PKNOX2: variants seen among roughly 807,000 people sequenced by gnomAD.
The protein encoded by PKNOX2 is PBX/knotted 1 homeobox 2, also known as homeobox protein PKNOX2.
A neutral mutation model predicts 53.1 loss-of-function variants in PKNOX2; 14 were observed. That is an observed-to-expected ratio of 0.26 (90% CI 0.17 to 0.41). PKNOX2 has a LOEUF of 0.41. PKNOX2 is among the 10% of genes least tolerant of loss of function. The pLI is 1.00. For missense variants in PKNOX2, 496 were observed against 602.8 expected (o/e 0.82, Z 1.85); for synonymous variants, 257 against 242.8 (o/e 1.06, Z -0.54).
chr11:125,290,418 C>A (rs1947235690), intron 2 of PKNOX2, among the ~76,000 whole-genome samples: 1 of 152,126 alleles, frequency 6.6e-6, no homozygotes, highest in Non-Finnish European at 1.5e-5. Context: ...GAGACAGAGA[C>A]TGAGGGTTTT....
intron 2 of PKNOX2, among the ~76,000 whole-genome samples, chr11:125,311,390 A>G (rs918918233): frequency 1.6e-4 from 24 of 152,146 alleles, no homozygotes; most frequent in African/African-American, 2.2e-4. Context: ...TACAAAAGGG[A>G]ACAAGAATTG....
At chr11:125,317,508 G>C (rs981872548) in intron 2 of PKNOX2, among the ~76,000 whole-genome samples, 1 of 152,220 alleles carries the variant, frequency 6.6e-6, no homozygotes, top group East Asian at 1.9e-4. Flanking sequence ...TGTTGTGTTA[G>C]CAGGCACTAA....
intron 2 of PKNOX2, among the ~76,000 whole-genome samples, chr11:125,314,921 T>C (rs1171105927): frequency 1.3e-5 from 2 of 152,178 alleles, no homozygotes; most frequent in African/African-American, 2.4e-5. Flanking sequence ...GGGAAAGGAA[T>C]TTCCATGCAG....
intron 1 of PKNOX2, among the ~76,000 whole-genome samples, chr11:125,173,226 T>G (rs1955451633): frequency 6.6e-6 from 1 of 152,220 alleles, no homozygotes; most frequent in East Asian, 1.9e-4. Context: ...TAAATATTAG[T>G]CTTCTGTCCT....
chr11:125,371,578 T>C (rs911886889), intron 5 of PKNOX2, among the ~76,000 whole-genome samples: 2 of 151,706 alleles, frequency 1.3e-5, no homozygotes, highest in African/African-American at 4.9e-5. Flanking sequence ...TTGAAGTGAG[T>C]GGGTTCCCAT....
chr11:125,180,800 T>C (rs1005038620), intron 1 of PKNOX2, among the ~76,000 whole-genome samples: 1 of 152,218 alleles, frequency 6.6e-6, no homozygotes, highest in Admixed American at 6.5e-5. Flanking sequence ...TGGGCCACCT[T>C]GCGGGATGTT....
At chr11:125,203,565 C>G (rs1252800301) in intron 1 of PKNOX2, among the ~76,000 whole-genome samples, 1 of 152,178 alleles carries the variant, frequency 6.6e-6, no homozygotes, top group Non-Finnish European at 1.5e-5. Flanking sequence ...GACTGCAAGG[C>G]CTCAGTTTTT....
intron 10 of PKNOX2, among the ~76,000 whole-genome samples, chr11:125,425,189 A>G (rs1956348612): frequency 6.6e-6 from 1 of 152,290 alleles, no homozygotes; most frequent in South Asian, 2.1e-4. Flanking sequence ...TGCTACTTCC[A>G]TCTAAGGATG....
At chr11:125,391,125 G>A (rs1954026649) in intron 6 of PKNOX2, among the ~76,000 whole-genome samples, 1 of 152,186 alleles carries the variant, frequency 6.6e-6, no homozygotes, top group South Asian at 2.1e-4. Context: ...TTGCAAAAAG[G>A]AAGGAGAGGG....
intron 1 of PKNOX2, among the ~76,000 whole-genome samples, chr11:125,234,552 A>G (rs1020843149): frequency 6.6e-6 from 1 of 152,162 alleles, no homozygotes; most frequent in Non-Finnish European, 1.5e-5. Flanking sequence ...CAAGACTTTC[A>G]TATTCCTGAG....
intron 1 of PKNOX2, among the ~76,000 whole-genome samples, chr11:125,222,669 TGTGTATGTGTGTGC>T: frequency 6.7e-6 from 1 of 148,886 alleles, no homozygotes; most frequent in Admixed American, 6.7e-5. Context: ...TGTATGTGTG[TGTGTATGTGTGTGC>T]GTATGTGTGT....
At chr11:125,304,026 A>T (rs969474208) in intron 2 of PKNOX2, among the ~76,000 whole-genome samples, 2 of 152,104 alleles carry the variant, frequency 1.3e-5, no homozygotes, top group Admixed American at 6.5e-5. Flanking sequence ...GAATGCAGGG[A>T]TGTTGTTGGG....
chr11:125,190,352 C>T (rs1226950542), intron 1 of PKNOX2, among the ~76,000 whole-genome samples: 4 of 152,232 alleles, frequency 2.6e-5, no homozygotes, highest in African/African-American at 9.6e-5. Flanking sequence ...CCCAGTGCCA[C>T]TAGCCTAGCT....
intron 2 of PKNOX2, chr11:125,287,615 G>A (rs561350985): frequency 2.0e-5 from 3 of 152,366 alleles, no homozygotes; most frequent in Admixed American, 6.5e-5. Flanking sequence ...AGACCCTGGA[G>A]CAACACGTGG....
At chr11:125,187,236 G>A (rs614972) in intron 1 of PKNOX2, among the ~76,000 whole-genome samples, 35,124 of 151,252 alleles carry the variant, frequency 0.23, 4,342 homozygotes, top group South Asian at 0.33. Flanking sequence ...TAACTTTTCC[G>A]TTTTTTTTCA....
At chr11:125,210,513 C>G (rs546870400) in intron 1 of PKNOX2, among the ~76,000 whole-genome samples, 1 of 152,150 alleles carries the variant, frequency 6.6e-6, no homozygotes, top group East Asian at 1.9e-4. Context: ...CACAGCGAGG[C>G]CCTCCCTTCA....
intron 1 of PKNOX2, among the ~76,000 whole-genome samples, chr11:125,190,283 C>T (rs923294027): frequency 3.3e-5 from 5 of 152,164 alleles, no homozygotes; most frequent in African/African-American, 9.7e-5. Context: ...GTGAACCAAA[C>T]TATCACCTAT....
At chr11:125,364,376 A>C (rs1443316420) in intron 4 of PKNOX2, among the ~76,000 whole-genome samples, 1 of 152,146 alleles carries the variant, frequency 6.6e-6, no homozygotes, top group African/African-American at 2.4e-5. Flanking sequence ...ACAGCCTCTC[A>C]GCTGGGGCCT....
intron 1 of PKNOX2, among the ~76,000 whole-genome samples, chr11:125,233,643 A>G (rs1942422066): frequency 6.6e-6 from 1 of 152,166 alleles, no homozygotes; most frequent in South Asian, 2.1e-4. Context: ...ATGAGCCTTG[A>G]TCATGCAGGT....
Sources: gnomAD v4.1 joint callset for allele counts (sites outside exome capture counted in the v4.1 genomes callset) on GRCh38, gnomAD v4.1.1 for gene constraint, MANE v1.5 for transcripts, NCBI Gene and HGNC (gene_info 2026-07-23, HGNC 2026-07-21) for gene names.